The following FUT8 variants were observed in gnomAD, a reference collection of about 807,000 sequenced individuals.
FUT8 encodes fucosyltransferase 8, also known as alpha-(1,6)-fucosyltransferase.
In FUT8, 29 loss-of-function variants were observed where a neutral mutation model predicts 71.3. The ratio of observed to expected loss-of-function variants is 0.41; its 90% CI spans 0.30 to 0.55. The LOEUF (loss-of-function observed/expected upper bound fraction) is 0.55, where lower values mean the gene tolerates loss of function less well. FUT8 is among the 20% of genes least tolerant of loss of function. FUT8 has a pLI of 0.34. For missense variants in FUT8, 544 were observed against 702.1 expected, an observed-to-expected ratio of 0.77 and a Z score of 2.55; for synonymous variants, 254 against 239.3, an observed-to-expected ratio of 1.06 and a Z score of -0.57.
intron 7 of FUT8, among the ~76,000 whole-genome samples, chr14:65,674,723 C>G (rs1001444120): frequency 6.6e-6 from 1 of 152,152 alleles, no homozygotes; most frequent in African/African-American, 2.4e-5. Flanking sequence ...CTCAACATAC[C>G]TAAGATAGAA....
At chr14:65,385,192 C>T in the FUT8 span, among the ~76,000 whole-genome samples, 6 of 152,052 alleles carry the variant, frequency 3.9e-5, no homozygotes, top group Non-Finnish European at 2.9e-5. Context: ...AGCCACCGCG[C>T]CCGGCCTTAG....
chr14:65,510,753 C>T (rs1323723806), intron 2 of FUT8, among the ~76,000 whole-genome samples: 1 of 152,050 alleles, frequency 6.6e-6, no homozygotes, highest in Non-Finnish European at 1.5e-5. Flanking sequence ...CTTCGGATTT[C>T]TGTGATATCG....
chr14:65,543,303 T>C (rs556244706), intron 2 of FUT8, among the ~76,000 whole-genome samples: 1 of 152,210 alleles, frequency 6.6e-6, no homozygotes, highest in Non-Finnish European at 1.5e-5. Context: ...CTAATTCTTA[T>C]AAGGCCTGAT....
In FUT8 at chr14:65,561,511, T is replaced by G. The variant is rs1885911953; in HGVS notation, c.-53T>G. On this transcript the variant is annotated 5_prime_UTR_variant, in exon 3 of 11. Transcript: ENST00000673929. ...ACTAACTAGAAACAGAGTTACAATG[T>G]TTTCAATTCTTTGAGCTCCAGGACT... is the stretch of plus-strand genomic sequence containing the variant. 37 of 1,550,510 alleles carry G rather than the reference T, an allele frequency of 2.4e-5. 1 individual carries two copies. The South Asian group carries it at 4.2e-4, about 17-fold the overall frequency.
chr14:65,509,621 C>G (rs1224053977), intron 2 of FUT8, among the ~76,000 whole-genome samples: 1 of 151,954 alleles, frequency 6.6e-6, no homozygotes. Context: ...GTTTCTGTTA[C>G]AGAGATCTTT....
chr14:65,613,922 G>C (rs1368024979), intron 3 of FUT8, among the ~76,000 whole-genome samples: 1 of 152,140 alleles, frequency 6.6e-6, no homozygotes, highest in African/African-American at 2.4e-5. Flanking sequence ...GACCAGCCTG[G>C]CCAACCCAAT....
intron 6 of FUT8, among the ~76,000 whole-genome samples, chr14:65,659,054 T>TA (rs1474718524): frequency 6.6e-6 from 1 of 152,092 alleles, no homozygotes. Flanking sequence ...TTATGGATCT[T>TA]AAGTTATTTC....
In FUT8 at chr14:65,423,541, C is replaced by CGT. The variant is rs201785728; in HGVS notation, c.-326+10329_-326+10330dup. Among the ~76,000 whole-genome samples the CGT allele has an allele frequency of 9.8e-3, 1,498 of 152,232 alleles. 19 individuals are homozygous for CGT. The highest frequency in any genetic ancestry group is 0.031 in the African/African-American group (1,277 of 41,542). ...CCTCCCAAAGTGCTGGGATTACAGG[C>CGT]GTGAGCCACCGCGCCCGGCCTAAGT... On this transcript the variant is annotated intron_variant, in intron 1 of 10. Transcript: ENST00000673929.
At chr14:65,410,741 T>G (rs2065113741), upstream of FUT8, 1 of 152,132 alleles carries the variant, frequency 6.6e-6, no homozygotes, top group African/African-American at 2.4e-5. Flanking sequence ...TAAACTATCA[T>G]GATTATTAAC....
intron 2 of FUT8, among the ~76,000 whole-genome samples, chr14:65,463,175 C>A (rs1185708326): frequency 3.3e-5 from 5 of 152,164 alleles, no homozygotes; most frequent in Non-Finnish European, 7.4e-5. Flanking sequence ...ATTAAATAGA[C>A]ATAATTACAA....
At chr14:65,689,325 C>A (rs1893459870) in intron 7 of FUT8, among the ~76,000 whole-genome samples, 1 of 152,066 alleles carries the variant, frequency 6.6e-6, no homozygotes, top group Admixed American at 6.5e-5. Flanking sequence ...CTGCTCAGGT[C>A]TTTTGCCCAT....
intron 7 of FUT8, among the ~76,000 whole-genome samples, chr14:65,711,314 A>G (rs1367166573): frequency 6.6e-6 from 1 of 152,236 alleles, no homozygotes; most frequent in East Asian, 1.9e-4. Context: ...CCTTGGGTTA[A>G]TCAGAAGATA....
chr14:65,519,451 G>A (rs761744962), intron 2 of FUT8, among the ~76,000 whole-genome samples: 30 of 152,172 alleles, frequency 2.0e-4, no homozygotes, highest in Non-Finnish European at 3.4e-4. Flanking sequence ...ACAAGGTATG[G>A]TGGAGAAATG....
chr14:65,644,612 C>T (rs1014792594), intron 6 of FUT8, among the ~76,000 whole-genome samples: 2 of 152,092 alleles, frequency 1.3e-5, no homozygotes, highest in African/African-American at 4.8e-5. Flanking sequence ...CCGCCTGCCT[C>T]GGCCTCCCAA....
At chr14:65,651,957 G>A (rs1372167609) in intron 6 of FUT8, among the ~76,000 whole-genome samples, 1 of 152,182 alleles carries the variant, frequency 6.6e-6, no homozygotes, top group Non-Finnish European at 1.5e-5. Flanking sequence ...AAAAGTAGGA[G>A]TGAGAGATTG....
intron 3 of FUT8, among the ~76,000 whole-genome samples, chr14:65,611,832 T>G (rs1181218413): frequency 6.6e-6 from 1 of 152,060 alleles, no homozygotes; most frequent in Non-Finnish European, 1.5e-5. Context: ...GGCTAATTTT[T>G]GTATTTTTCA....
chr14:65,430,990 ATT>A (rs5809273), intron 1 of FUT8, among the ~76,000 whole-genome samples: 32 of 127,010 alleles, frequency 2.5e-4, no homozygotes, highest in African/African-American at 4.5e-4. Flanking sequence ...TTTTCTACTA[ATT>A]TTTTTTTTTT....
intron 2 of FUT8, among the ~76,000 whole-genome samples, chr14:65,507,034 A>G (rs1352587317): frequency 2.0e-5 from 3 of 152,208 alleles, no homozygotes; most frequent in African/African-American, 7.2e-5. Context: ...TGAGACTTGC[A>G]TTTATGCGGT....
chr14:65,367,949 T>C, the FUT8 span, among the ~76,000 whole-genome samples: 1 of 151,848 alleles, frequency 6.6e-6, no homozygotes, highest in African/African-American at 2.4e-5. Context: ...AGTATCTTTA[T>C]AGCAGTGCTG....
Sources: allele counts gnomAD v4.1 joint callset (sites outside exome capture counted in the v4.1 genomes callset), GRCh38; gene constraint gnomAD v4.1.1; transcripts MANE v1.5; gene names NCBI Gene and HGNC (gene_info 2026-07-23, HGNC 2026-07-21).